UBA6: variants seen among roughly 807,000 people sequenced by gnomAD.
UBA6 encodes the protein ubiquitin-like modifier-activating enzyme 6.
Under a neutral mutation model 148.3 loss-of-function variants are expected in UBA6, and 87 were observed. That is an observed-to-expected ratio of 0.59 (90% CI 0.49 to 0.70). The LOEUF (loss-of-function observed/expected upper bound fraction) is 0.70, where lower values mean the gene tolerates loss of function less well. Among genes scored for constraint, UBA6 ranks in the 30% least tolerant of loss-of-function variants. UBA6 has a pLI of 0.00. For synonymous variants in UBA6, 376 were observed against 401.0 expected, an observed-to-expected ratio of 0.94 and a Z score of 0.75; for missense variants, 1,186 against 1,241.2, an observed-to-expected ratio of 0.96 and a Z score of 0.67.
rs1474320291 is a variant in UBA6, at chr4:67,665,260, T to C, written c.826A>G (p.Thr276Ala). 3 of 1,605,768 alleles carry C rather than the reference T, an allele frequency of 1.9e-6. No homozygotes were observed. Among genetic ancestry groups the C allele is most frequent in the Non-Finnish European group, 1.7e-6 (2 of 1,177,610 alleles). The change falls in exon 10 of 33, where the codon ACC becomes GCC. Residue 276 changes from threonine (T) to alanine (A), a missense_variant. Coordinates refer to ENST00000322244, the MANE Select transcript of UBA6 (RefSeq NM_018227.6). ...TGTAAATATGGTTCCAGTTCTGTGGTGTCACCAATACTAAAAGAAAATGGC... is the reference window on the plus strand; with the variant it reads ...TGTAAATATGGTTCCAGTTCTGTGGCGTCACCAATACTAAAAGAAAATGGC... ...ISPFSFSIGDTTELEPYLHGG... is the reference protein window; with the variant it reads ...ISPFSFSIGDATELEPYLHGG...
intron 6 of UBA6, among the ~76,000 whole-genome samples, chr4:67,676,532 T>TCC (rs1553909394): frequency 6.6e-6 from 1 of 152,198 alleles, no homozygotes; most frequent in Non-Finnish European, 1.5e-5. Context: ...ACTGAGGGCA[T>TCC]AGCTCTCTGA....
chr4:67,623,551 C>T (rs1042404131), intron 30 of UBA6, among the ~76,000 whole-genome samples: 3 of 152,060 alleles, frequency 2.0e-5, no homozygotes, highest in East Asian at 1.9e-4. Context: ...CTGGACACTT[C>T]GGTTATTCTA....
Position 67,616,894 on chromosome 4 carries a change from T to C in UBA6, c.*2103A>G, listed in dbSNP as rs1468965654. On this transcript the variant is annotated 3_prime_UTR_variant, in exon 33 of 33. Transcript: ENST00000322244. ...ATCATTAATTTTTGCACCTGGTATT[T>C]CAGTCATCAACAGCAATCTCATGGT... 1.3e-5 allele frequency: 2 copies of C among 152,118 alleles called. No individual in the cohort carries two copies. The highest frequency in any genetic ancestry group is 2.9e-5 in the Non-Finnish European group (2 of 67,962). The allele number at this position is 152,118 out of a possible 1,614,324, so 9.4% of individuals were successfully genotyped here. A position where few individuals can be genotyped will look rare whatever the true frequency, so the allele number is the denominator to read the frequency against.
intron 16 of UBA6, among the ~76,000 whole-genome samples, chr4:67,645,348 C>G (rs987616911): frequency 4.6e-5 from 7 of 152,198 alleles, no homozygotes; most frequent in Admixed American, 4.6e-4. Context: ...CACCTGTAAT[C>G]CCAGCACTTT....
chr4:67,654,439 G>A (rs1472639147), intron 13 of UBA6, among the ~76,000 whole-genome samples: 1 of 152,130 alleles, frequency 6.6e-6, no homozygotes, highest in Non-Finnish European at 1.5e-5. Context: ...GCCAAACTAA[G>A]CTTCATAAGT....
At position 67,701,104 on chromosome 4, in the gene UBA6, G is replaced by C. The variant is rs754736792; in HGVS notation, c.16C>G (p.Pro6Ala). The C allele has an allele frequency of 2.5e-6, 4 of 1,613,542 alleles. No homozygotes were observed. Among genetic ancestry groups the C allele is most frequent in the Non-Finnish European group, 3.4e-6 (4 of 1,179,834 alleles). ...TCTTCCCCCTGATGGGCGGCCACAG[G>C]CTCGGATCCTTCCATTGCCGCCTGA... is the stretch of plus-strand genomic sequence containing the variant. MEGSE[P>A]VAAHQGEEAS... The change falls in exon 1 of 33, where the codon CCT becomes GCT. Residue 6 changes from proline to alanine, a missense_variant. Transcript: ENST00000322244.
intron 12 of UBA6, 115 bp from the exon 13 acceptor site, chr4:67,662,370 C>A: frequency 3.8e-6 from 3 of 780,244 alleles, no homozygotes; most frequent in South Asian, 2.1e-5. Context: ...TTTTTGCCAA[C>A]AGGTAGCACA....
At chr4:67,655,630 C>T (rs994574295) in intron 13 of UBA6, among the ~76,000 whole-genome samples, 1 of 152,102 alleles carries the variant, frequency 6.6e-6, no homozygotes, top group East Asian at 1.9e-4. Context: ...ATTAAAAGAA[C>T]TAGAGAAGCA....
intron 4 of UBA6, among the ~76,000 whole-genome samples, chr4:67,680,668 T>C (rs956462642): frequency 1.3e-5 from 2 of 152,240 alleles, no homozygotes; most frequent in East Asian, 1.9e-4. Context: ...CAATGTTTCC[T>C]GCTTCATAGT....
At chr4:67,648,733 T>C (rs1412474391) in intron 14 of UBA6, among the ~76,000 whole-genome samples, 1 of 152,140 alleles carries the variant, frequency 6.6e-6, no homozygotes, top group Non-Finnish European at 1.5e-5. Flanking sequence ...AAAGATTCCA[T>C]GGAACAAATT....
At position 67,634,482 on chromosome 4, in the gene UBA6, G is replaced by A; in HGVS notation, c.1879C>T (p.Leu627=). The A allele has an allele frequency of 6.3e-7, 1 of 1,588,530 alleles. No individual in the cohort carries two copies. The highest frequency in any genetic ancestry group is 1.2e-5 in the South Asian group (1 of 84,938). Residue 627 remains leucine, a synonymous_variant, in exon 21 of 33, where the codon CTA becomes TTA. Coordinates refer to ENST00000322244, the MANE Select transcript of UBA6 (RefSeq NM_018227.6). The part of the protein sequence containing the change: ...PPEEEIPFCT[L]KSFPAAIEHT... The stretch of plus-strand genomic sequence containing the variant: ...TCAATAGCAGCTGGAAAGGATTTTA[G>A]AGTACAAAATGGTATTTCCTCTTCT...
chr4:67,651,017 T>C (rs1276304024), intron 13 of UBA6, among the ~76,000 whole-genome samples: 1 of 152,106 alleles, frequency 6.6e-6, no homozygotes, highest in African/African-American at 2.4e-5. Context: ...AAGAGAATAC[T>C]ACAAAAGTAG....
chr4:67,693,146 C>T (rs1439931321), intron 2 of UBA6, among the ~76,000 whole-genome samples: 1 of 152,084 alleles, frequency 6.6e-6, no homozygotes, highest in Non-Finnish European at 1.5e-5. Context: ...ATTCTGCCAC[C>T]CCTAAGACAA....
At chr4:67,633,532 C>T (rs1301693045) in intron 22 of UBA6, 59 bp from the exon 23 acceptor site, 7 of 1,446,192 alleles carry the variant, frequency 4.8e-6, no homozygotes, top group African/African-American at 1.4e-5. Flanking sequence ...TATACACATC[C>T]CTCACCAAAA....
rs571832522 is a variant in UBA6 at position 67,701,057 on chromosome 4, C to T, written c.63G>A (p.Gly21=). Residue 21 remains glycine (G), a synonymous_variant, in exon 1 of 33, where the codon GGG becomes GGA. Transcript: ENST00000322244. The part of the protein sequence containing the change: ...QGEEASCSSW[G]TGSTNKNLPI... Reference sequence around the variant, plus strand: ...CCTTCTCGTCCTCTCACCTGCCAGTCCCCCAGGAAGAACAGGACGCCTCTT... The same window carrying T: ...CCTTCTCGTCCTCTCACCTGCCAGTTCCCCAGGAAGAACAGGACGCCTCTT... 6.2e-7 allele frequency: 1 copy of T among 1,613,776 alleles called. No individual in the cohort carries two copies. Among genetic ancestry groups the T allele is most frequent in the South Asian group, 1.1e-5 (1 of 91,076 alleles).
chr4:67,630,329 TA>T (rs1728967585), intron 26 of UBA6, 136 bp downstream of exon 26: 5 of 686,490 alleles, frequency 7.3e-6, no homozygotes, highest in African/African-American at 3.8e-5. Context: ...TTAGTATGGG[TA>T]AAAATACAAT....
intron 21 of UBA6, 21 bp downstream of exon 21, chr4:67,634,408 A>T (rs559636557): frequency 1.5e-5 from 24 of 1,564,528 alleles, no homozygotes; most frequent in Non-Finnish European, 2.1e-5. Flanking sequence ...AAAGAAAATA[A>T]ATTTAAAAAG....
chr4:67,619,819 T>C (rs1410484776), intron 32 of UBA6, among the ~76,000 whole-genome samples: 1 of 152,212 alleles, frequency 6.6e-6, no homozygotes, highest in Non-Finnish European at 1.5e-5. Flanking sequence ...AATCACTCTT[T>C]GCTATAGCCA....
intron 1 of UBA6, among the ~76,000 whole-genome samples, chr4:67,700,621 GTT>G (rs1283321763): frequency 1.3e-5 from 2 of 151,806 alleles, no homozygotes; most frequent in African/African-American, 4.8e-5. Flanking sequence ...TCTGGTAATA[GTT>G]TTCAAAAGAG....
Sources: gnomAD v4.1 joint callset for allele counts (sites outside exome capture counted in the v4.1 genomes callset) on GRCh38, gnomAD v4.1.1 for gene constraint, MANE v1.5 for transcripts, NCBI Gene and HGNC (gene_info 2026-07-23, HGNC 2026-07-21) for gene names.